The following ERC1 variants were observed in gnomAD, a reference collection of about 807,000 sequenced individuals.
The protein encoded by ERC1 is RAB6 interacting protein 2.
In ERC1, 56 loss-of-function variants were observed where a neutral mutation model predicts 132.0. The ratio of observed to expected loss-of-function variants is 0.42; its 90% CI spans 0.34 to 0.53. The LOEUF (loss-of-function observed/expected upper bound fraction) is 0.53. ERC1 is among the 20% of genes least tolerant of loss of function. The pLI, the probability that ERC1 is intolerant of heterozygous loss-of-function variation, is 0.03. For missense variants in ERC1, 1,202 were observed against 1,349.9 expected (o/e 0.89, Z 1.72); for synonymous variants, 478 against 476.1 (o/e 1.00, Z -0.05).
intron 15 of ERC1, among the ~76,000 whole-genome samples, chr12:1,293,935 G>A (rs890309532): frequency 4.6e-5 from 7 of 152,088 alleles, no homozygotes; most frequent in Admixed American, 1.3e-4. Flanking sequence ...GAATACTGAG[G>A]TTGAATGTTA....
At position 1,392,805 on chromosome 12, in the gene ERC1, G is replaced by A. The variant is rs139568008; in HGVS notation, c.2926-15344G>A. ...AAAAGCCTGATTTTAATAAATGGTG[G>A]TTTTCTGTTTTTTTCTTCTACAGAA... On this transcript the variant is annotated intron_variant, in intron 16 of 18. Transcript: ENST00000360905. Among the ~76,000 whole-genome samples the A allele has an allele frequency of 5.5e-3, 839 of 152,118 alleles. 4 individuals are homozygous for A. Among genetic ancestry groups the A allele is most frequent in the South Asian group, 0.012 (58 of 4,826 alleles).
Position 1,344,002 on chromosome 12 carries a change from C to T in ERC1, c.2781-27831C>T, listed in dbSNP as rs575660334. ...GACTACAGGCACCCACCACTGCACCCGGCTAATTTTTTGTATTTTTAGTAG... is the reference window on the plus strand; with the variant it reads ...GACTACAGGCACCCACCACTGCACCTGGCTAATTTTTTGTATTTTTAGTAG... On this transcript the variant is annotated intron_variant, in intron 15 of 18. Coordinates refer to ENST00000360905, the MANE Select transcript of ERC1 (RefSeq NM_178040.4). Among the ~76,000 whole-genome samples the T allele has an allele frequency of 2.4e-4, 36 of 152,158 alleles. 1 individual carries two copies. Among genetic ancestry groups the T allele is most frequent in the African/African-American group, 8.2e-4 (34 of 41,498 alleles).
intron 8 of ERC1, among the ~76,000 whole-genome samples, chr12:1,165,498 G>T (rs1159170777): frequency 1.3e-5 from 2 of 152,030 alleles, no homozygotes; most frequent in Non-Finnish European, 2.9e-5. Flanking sequence ...AGTAGAGACG[G>T]GGTTTCACCG....
chr12:1,365,865 G>C (rs1419965), intron 15 of ERC1, among the ~76,000 whole-genome samples: 79,238 of 152,082 alleles, frequency 0.52, 23,845 homozygotes, highest in African/African-American at 0.84. Context: ...GTGGTATGTG[G>C]GTGTGGTGGA....
intron 15 of ERC1, among the ~76,000 whole-genome samples, chr12:1,342,468 C>CAAA (rs567114711): frequency 0.049 from 5,472 of 112,804 alleles, 150 homozygotes; most frequent in Non-Finnish European, 0.068. Context: ...AACTCTGTCT[C>CAAA]AAAAAAAAAA....
At chr12:1,428,683 C>T (rs2154402842) in intron 17 of ERC1, among the ~76,000 whole-genome samples, 1 of 152,312 alleles carries the variant, frequency 6.6e-6, no homozygotes. Flanking sequence ...ACAGCAGACC[C>T]TTTACGATAG....
chr12:1,493,548 A>AAAAAAAAAAAAAAT lies in ERC1; in HGVS notation c.*3319_*3320insAAAAAAAAAAAATA. On this transcript the variant is annotated 3_prime_UTR_variant, in exon 19 of 19. Transcript: ENST00000360905. Reference sequence around the variant, plus strand: ...ACTCCATTTAAAAAAAAAAAAAAAAAATATATATATATATATATATATATA... The same window carrying AAAAAAAAAAAAAAT: ...ACTCCATTTAAAAAAAAAAAAAAAAAAAAAAAAAAAAAATATATATATATATATATATATATATA... 7.3e-5 allele frequency: 1 copy of AAAAAAAAAAAAAAT among 13,618 alleles called. No homozygotes were observed. Among genetic ancestry groups the AAAAAAAAAAAAAAT allele is most frequent in the African/African-American group, 2.2e-4 (1 of 4,554 alleles). The allele number at this position is 13,618 out of a possible 1,614,324, so 0.8% of individuals were successfully genotyped here.
chr12:1,218,935 C>T (rs1426723574), intron 12 of ERC1, among the ~76,000 whole-genome samples: 1 of 151,830 alleles, frequency 6.6e-6, no homozygotes, highest in Non-Finnish European at 1.5e-5. Flanking sequence ...GGTAATGGTG[C>T]CATCTCAGCT....
At chr12:1,203,435 A>T (rs1480941797) in intron 12 of ERC1, among the ~76,000 whole-genome samples, 1 of 152,174 alleles carries the variant, frequency 6.6e-6, no homozygotes, top group Admixed American at 6.5e-5. Flanking sequence ...TCTGTTTTTC[A>T]TCTCTTCATG....
intron 17 of ERC1, among the ~76,000 whole-genome samples, chr12:1,412,559 T>TC (rs1320086656): frequency 1.3e-5 from 2 of 152,174 alleles, no homozygotes; most frequent in African/African-American, 4.8e-5. Flanking sequence ...GCGCTGTACT[T>TC]CAATTTCTTC....
chr12:1,349,660 T>TAAAAA (rs57752848), intron 15 of ERC1, among the ~76,000 whole-genome samples: 4 of 107,608 alleles, frequency 3.7e-5, no homozygotes, highest in African/African-American at 6.6e-5. Context: ...TGAGACCGTC[T>TAAAAA]AAAAAAAAAA....
At chr12:1,127,163 C>T (rs1343483877) in intron 7 of ERC1, among the ~76,000 whole-genome samples, 1 of 152,022 alleles carries the variant, frequency 6.6e-6, no homozygotes, top group African/African-American at 2.4e-5. Context: ...TGATGAAATA[C>T]TATATTTTGT....
At chr12:1,052,324 T>C (rs536206179) in intron 2 of ERC1, among the ~76,000 whole-genome samples, 73 of 152,346 alleles carry the variant, frequency 4.8e-4, no homozygotes, top group African/African-American at 1.7e-3. Context: ...TCCAGTGAAC[T>C]TTAAAAATAA....
intron 18 of ERC1, among the ~76,000 whole-genome samples, chr12:1,451,123 G>A (rs2093416646): frequency 6.6e-6 from 1 of 152,194 alleles, no homozygotes; most frequent in South Asian, 2.1e-4. Flanking sequence ...CACTGTTACT[G>A]TGGTAATAGT....
At chr12:1,248,565 T>TAAGG (rs1364994658) in intron 13 of ERC1, among the ~76,000 whole-genome samples, 1 of 152,128 alleles carries the variant, frequency 6.6e-6, no homozygotes, top group Non-Finnish European at 1.5e-5. Flanking sequence ...AGAGAATAGG[T>TAAGG]AAGGGTCAGG....
chr12:1,007,652 A>G (rs995765405), intron 1 of ERC1, among the ~76,000 whole-genome samples: 1 of 151,998 alleles, frequency 6.6e-6, no homozygotes, highest in Non-Finnish European at 1.5e-5. Context: ...TGGAACCCCT[A>G]GGCTAGGAAC....
At chr12:1,467,892 T>C (rs1032920157) in intron 18 of ERC1, among the ~76,000 whole-genome samples, 4 of 152,190 alleles carry the variant, frequency 2.6e-5, no homozygotes, top group Admixed American at 6.5e-5. Context: ...CATATGAGAA[T>C]CTAATGCCTC....
intron 18 of ERC1, among the ~76,000 whole-genome samples, chr12:1,453,416 A>G (rs1445011242): frequency 6.6e-6 from 1 of 152,114 alleles, no homozygotes; most frequent in African/African-American, 2.4e-5. Flanking sequence ...TTGCTGCCCT[A>G]CCCCCAGAAG....
At position 1,447,684 on chromosome 12, in the gene ERC1, C is replaced by G. The variant is rs563368499; in HGVS notation, c.3213+2934C>G. ...TTTGTTTTGGAGACAGAGTCTCGCTCTGTCACCCAGGCTGGAGTGCAGTGG... is the reference window on the plus strand; with the variant it reads ...TTTGTTTTGGAGACAGAGTCTCGCTGTGTCACCCAGGCTGGAGTGCAGTGG... On this transcript the variant is annotated intron_variant, in intron 18 of 18. Coordinates refer to ENST00000360905, the MANE Select transcript of ERC1 (RefSeq NM_178040.4). Among the ~76,000 whole-genome samples, 756 of 152,002 alleles carry G rather than the reference C, an allele frequency of 5.0e-3. 1 individual carries two copies. The highest frequency in any genetic ancestry group is 9.3e-3 in the Non-Finnish European group (633 of 67,968).
Sources: allele counts gnomAD v4.1 joint callset (sites outside exome capture counted in the v4.1 genomes callset), GRCh38; gene constraint gnomAD v4.1.1; transcripts MANE v1.5; gene names NCBI Gene and HGNC (gene_info 2026-07-23, HGNC 2026-07-21).